The following NRG3 variants were observed in gnomAD, a reference collection of about 807,000 sequenced individuals.
The protein encoded by NRG3 is pro-neuregulin-3, membrane-bound isoform.
Under a neutral mutation model 66.9 loss-of-function variants are expected in NRG3, and 31 were observed. The observed-to-expected ratio is 0.46, with a 90% confidence interval of 0.35 to 0.63. NRG3 has a LOEUF of 0.63. Among genes scored for constraint, NRG3 ranks in the 20% least tolerant of loss-of-function variants. The pLI, the probability that NRG3 is intolerant of heterozygous loss-of-function variation, is 0.00. For missense variants in NRG3, 910 were observed against 878.9 expected (o/e 1.04, Z -0.45); for synonymous variants, 393 against 359.4 (o/e 1.09, Z -1.06).
chr10:82,142,812 C>T lies in NRG3; in HGVS notation c.824-215927C>T, dbSNP rs1311165586. On this transcript the variant is annotated intron_variant, in intron 1 of 8. Transcript: ENST00000372141. Reference sequence around the variant, plus strand: ...AGACAGAGCAAGACTCTATCTATCTCCAGGCTGGAATGCAGTGGTGCAATC... The same window carrying T: ...AGACAGAGCAAGACTCTATCTATCTTCAGGCTGGAATGCAGTGGTGCAATC... 8.0e-5 allele frequency among the ~76,000 whole-genome samples: 11 copies of T among 137,736 alleles called. No homozygotes were observed. In the South Asian group the frequency reaches 2.1e-3, roughly 26 times the overall value. The allele number at this position is 137,736 out of a possible 152,430, so 90.4% of individuals were successfully genotyped here. A position where few individuals can be genotyped will look rare whatever the true frequency, so the allele number is the denominator to read the frequency against.
At chr10:82,139,913 T>TG (rs141072837) in intron 1 of NRG3, among the ~76,000 whole-genome samples, 1 of 36,720 alleles carries the variant, frequency 2.7e-5, no homozygotes, top group Non-Finnish European at 5.6e-5. Flanking sequence ...ATCACCAGAT[T>TG]TGTTAGTCTC....
intron 1 of NRG3, among the ~76,000 whole-genome samples, chr10:81,910,200 T>C (rs1844997424): frequency 6.6e-6 from 1 of 152,202 alleles, no homozygotes; most frequent in Admixed American, 6.5e-5. Flanking sequence ...ACATAATCTA[T>C]TTCTTGCTGT....
chr10:82,563,311 T>G (rs989628529), intron 2 of NRG3, among the ~76,000 whole-genome samples: 1 of 152,136 alleles, frequency 6.6e-6, no homozygotes. Flanking sequence ...TGGAATAGTG[T>G]TGACATATTT....
chr10:82,591,156 C>T (rs898153144), intron 2 of NRG3, among the ~76,000 whole-genome samples: 3 of 152,152 alleles, frequency 2.0e-5, no homozygotes, highest in East Asian at 1.9e-4. Flanking sequence ...GCCCGGGTGA[C>T]GGGCTTCCAT....
In NRG3 at chr10:82,660,630, A is replaced by G. The variant is rs2052282369; in HGVS notation, c.954-77947A>G. ...TCTCTTCACAGCTAAACTTCAGATA[A>G]AAATAAATTTTACATGGAACCGTAC... On this transcript the variant is annotated intron_variant, in intron 2 of 8. Coordinates refer to ENST00000372141, the MANE Select transcript of NRG3 (RefSeq NM_001010848.4). Among the ~76,000 whole-genome samples the G allele has an allele frequency of 2.0e-5, 3 of 152,328 alleles. No individual in the cohort carries two copies. The South Asian group carries it at 6.2e-4, about 32-fold the overall frequency.
intron 1 of NRG3, among the ~76,000 whole-genome samples, chr10:82,118,216 TAA>T (rs201442608): frequency 0.12 from 16,134 of 130,136 alleles, 1,301 homozygotes; most frequent in African/African-American, 0.25. Context: ...GTAAGGACTC[TAA>T]AAAAAAAAAA....
chr10:82,454,449 TA>T (rs199651497), intron 2 of NRG3, among the ~76,000 whole-genome samples: 16 of 151,154 alleles, frequency 1.1e-4, no homozygotes, highest in Admixed American at 2.6e-4. Flanking sequence ...TTCAAACAGT[TA>T]AAAAAAATAA....
intron 1 of NRG3, among the ~76,000 whole-genome samples, chr10:81,965,694 A>T (rs1197075555): frequency 6.6e-6 from 1 of 152,186 alleles, no homozygotes; most frequent in Non-Finnish European, 1.5e-5. Context: ...TAATAGCATT[A>T]TCTAACTCCT....
chr10:82,754,603 A>G lies in NRG3; in HGVS notation c.1027+15953A>G, dbSNP rs534006079. ...AAATGGCAACCCAACTAACTCTCTT[A>G]TTTTTTTCATAGCCAGGAAAGAAAA... On this transcript the variant is annotated intron_variant, in intron 3 of 8. Coordinates refer to ENST00000372141, the MANE Select transcript of NRG3 (RefSeq NM_001010848.4). 2.8e-4 allele frequency among the ~76,000 whole-genome samples: 42 copies of G among 151,782 alleles called. 1 individual carries two copies. In the South Asian group the frequency reaches 6.6e-3, roughly 24 times the overall value.
intron 1 of NRG3, among the ~76,000 whole-genome samples, chr10:82,079,053 AGAC>A (rs2065243644): frequency 6.6e-6 from 1 of 152,094 alleles, no homozygotes; most frequent in Admixed American, 6.6e-5. Flanking sequence ...TATGAATAAT[AGAC>A]TTTATTTTTA....
rs145569770 is a variant in NRG3, at chr10:82,553,586, C to CT, written c.954-184988dup. ...AGGTCTCAAGAAAAATATATGGAGTCTTTAAGATGTTTGGAATAGAAGTGC... is the reference window on the plus strand; with the variant it reads ...AGGTCTCAAGAAAAATATATGGAGTCTTTTAAGATGTTTGGAATAGAAGTGC... On this transcript the variant is annotated intron_variant, in intron 2 of 8. Coordinates refer to ENST00000372141, the MANE Select transcript of NRG3 (RefSeq NM_001010848.4). Among the ~76,000 whole-genome samples, 991 of 152,120 alleles carry CT rather than the reference C, an allele frequency of 6.5e-3. 6 individuals are homozygous for CT. Among genetic ancestry groups the CT allele is most frequent in the Non-Finnish European group, 8.4e-3 (571 of 67,994 alleles).
intron 3 of NRG3, among the ~76,000 whole-genome samples, chr10:82,829,197 G>A (rs1171875717): frequency 6.6e-6 from 1 of 151,990 alleles, no homozygotes; most frequent in African/African-American, 2.4e-5. Flanking sequence ...CCCAACTCTA[G>A]TGATTAAAAA....
intron 2 of NRG3, among the ~76,000 whole-genome samples, chr10:82,552,060 T>A (rs1044540049): frequency 6.6e-6 from 1 of 152,142 alleles, no homozygotes; most frequent in African/African-American, 2.4e-5. Context: ...CAGGCCTTCA[T>A]GACTTTAGCA....
At chr10:82,431,833 T>A (rs1005307151) in intron 2 of NRG3, among the ~76,000 whole-genome samples, 5 of 152,182 alleles carry the variant, frequency 3.3e-5, no homozygotes, top group Non-Finnish European at 7.4e-5. Flanking sequence ...CTTAAAAAAA[T>A]GGACAATACA....
intron 2 of NRG3, among the ~76,000 whole-genome samples, chr10:82,737,996 C>T (rs1408730989): frequency 6.6e-6 from 1 of 151,788 alleles, no homozygotes; most frequent in Non-Finnish European, 1.5e-5. Context: ...TTAGAGATGC[C>T]TTTCAGACCT....
intron 2 of NRG3, among the ~76,000 whole-genome samples, chr10:82,575,941 C>T (rs927088265): frequency 5.9e-5 from 9 of 151,622 alleles, no homozygotes; most frequent in African/African-American, 2.2e-4. Flanking sequence ...TCTCCGTATT[C>T]TTCTACTAAG....
Position 81,947,358 on chromosome 10 carries a change from G to A in NRG3, c.823+71195G>A, listed in dbSNP as rs377499887. 2.0e-5 allele frequency among the ~76,000 whole-genome samples: 3 copies of A among 152,106 alleles called. No individual in the cohort carries two copies. The East Asian group carries it at 5.8e-4, about 29-fold the overall frequency. ...AATAAGATTGCATTCTAAGGTACTA[G>A]GGTCAAGACTTCAACTTATCTTTTT... On this transcript the variant is annotated intron_variant, in intron 1 of 8. Coordinates refer to ENST00000372141, the MANE Select transcript of NRG3 (RefSeq NM_001010848.4).
At chr10:82,704,067 A>T (rs2056103000) in intron 2 of NRG3, among the ~76,000 whole-genome samples, 1 of 152,150 alleles carries the variant, frequency 6.6e-6, no homozygotes, top group Non-Finnish European at 1.5e-5. Flanking sequence ...ATTTCTAATT[A>T]AATGTGGTAT....
chr10:82,523,663 A>G (rs961057916), intron 2 of NRG3, among the ~76,000 whole-genome samples: 2 of 151,986 alleles, frequency 1.3e-5, no homozygotes, highest in Non-Finnish European at 2.9e-5. Flanking sequence ...AGTTTCTCCC[A>G]TTCTGTGGGT....
Sources: allele counts gnomAD v4.1 joint callset (sites outside exome capture counted in the v4.1 genomes callset), GRCh38; gene constraint gnomAD v4.1.1; transcripts MANE v1.5; gene names NCBI Gene and HGNC (gene_info 2026-07-23, HGNC 2026-07-21).